Variants in FOCAD observed in about 807,000 individuals in gnomAD.
FOCAD encodes KIAA1797.
A neutral mutation model predicts 225.6 loss-of-function variants in FOCAD; 198 were observed. That is an observed-to-expected ratio of 0.88 (90% CI 0.78 to 0.99). FOCAD has a LOEUF of 0.99. Among genes scored for constraint, FOCAD ranks in the 50% least tolerant of loss-of-function variants. The probability of loss-of-function intolerance (pLI) is 0.00; values close to 1 mark genes in which losing one functional copy is unlikely to be tolerated. For synonymous variants in FOCAD, 897 were observed against 755.0 expected (o/e 1.19, Z -3.08); for missense variants, 2,713 against 2,123.6 (o/e 1.28, Z -5.46).
At chr9:20,767,202 A>G (rs1376025712) in intron 7 of FOCAD, among the ~76,000 whole-genome samples, 1 of 150,858 alleles carries the variant, frequency 6.6e-6, no homozygotes. Flanking sequence ...TATGTGCCAC[A>G]TTTTCTTAAT....
chr9:20,715,309 GT>G lies in FOCAD; in HGVS notation c.-32-9del. 2 of 1,344,558 alleles carry G rather than the reference GT, an allele frequency of 1.5e-6. No homozygotes were observed. The highest frequency in any genetic ancestry group is 2.9e-5 in the African/African-American group (2 of 67,970). The allele number at this position is 1,344,558 out of a possible 1,614,324, so 83.3% of individuals were successfully genotyped here. A position where few individuals can be genotyped will look rare whatever the true frequency, so the allele number is the denominator to read the frequency against. On this transcript the variant is annotated splice_polypyrimidine_tract_variant and intron_variant, in intron 1 of 43. Coordinates refer to ENST00000338382, the MANE Select transcript of FOCAD (RefSeq NM_001375567.1). The stretch of plus-strand genomic sequence containing the variant: ...TTGGAAGACTAACAAATATTCTTTT[GT>G]TTTGGTTACAGAAGCTGCACACATA...
At chr9:20,968,857 G>T (rs1393072481) in intron 35 of FOCAD, among the ~76,000 whole-genome samples, 1 of 152,048 alleles carries the variant, frequency 6.6e-6, no homozygotes, top group Non-Finnish European at 1.5e-5. Context: ...TAGGGATATT[G>T]ATTAGAATTA....
At chr9:20,691,083 C>T (rs987439621) in intron 1 of FOCAD, among the ~76,000 whole-genome samples, 2 of 152,084 alleles carry the variant, frequency 1.3e-5, no homozygotes, top group African/African-American at 4.8e-5. Flanking sequence ...GCTGGGATTA[C>T]CGGCATGTGC....
At chr9:20,947,717 T>TC (rs1020077165) in intron 30 of FOCAD, among the ~76,000 whole-genome samples, 3 of 152,176 alleles carry the variant, frequency 2.0e-5, no homozygotes, top group African/African-American at 7.2e-5. Context: ...CTATAGAATT[T>TC]CCCCATGTGG....
Position 20,821,079 on chromosome 9 carries a change from G to A in FOCAD, c.1793+8G>A, listed in dbSNP as rs764667780. 9 of 1,610,678 alleles carry A rather than the reference G, an allele frequency of 5.6e-6. No homozygotes were observed. The highest frequency in any genetic ancestry group is 7.6e-6 in the Non-Finnish European group (9 of 1,178,038). On this transcript the variant is annotated splice_region_variant and intron_variant, in intron 14 of 43. Coordinates refer to ENST00000338382, the MANE Select transcript of FOCAD (RefSeq NM_001375567.1). ...AGATATATGTAAGCAGAGGTATGATGTCATTAACTCTTAGGAATGTATATC... is the reference window on the plus strand; with the variant it reads ...AGATATATGTAAGCAGAGGTATGATATCATTAACTCTTAGGAATGTATATC...
intron 41 of FOCAD, 23 bp from the exon 42 acceptor site, chr9:20,990,099 AC>A: frequency 6.2e-7 from 1 of 1,612,894 alleles, no homozygotes; most frequent in Non-Finnish European, 8.5e-7. Context: ...ATATGACCTA[AC>A]GTCATTTCTA....
chr9:20,817,443 C>G (rs1161483679), intron 11 of FOCAD, among the ~76,000 whole-genome samples: 2 of 152,094 alleles, frequency 1.3e-5, no homozygotes, highest in Middle Eastern at 3.2e-3. Flanking sequence ...CTACATACAG[C>G]CTTTTGTGGC....
chr9:20,692,519 T>C (rs1823034813), intron 1 of FOCAD, among the ~76,000 whole-genome samples: 1 of 152,170 alleles, frequency 6.6e-6, no homozygotes. Context: ...CAGTTATGTA[T>C]TAGTTTGTGA....
chr9:20,882,085 C>G, intron 20 of FOCAD, 29 bp downstream of exon 20: 1 of 1,574,220 alleles, frequency 6.4e-7, no homozygotes, highest in Non-Finnish European at 8.6e-7. Flanking sequence ...ATCAAAAATA[C>G]AGGTTTTTCA....
At chr9:20,818,206 C>G (rs1823933289) in intron 11 of FOCAD, among the ~76,000 whole-genome samples, 1 of 152,018 alleles carries the variant, frequency 6.6e-6, no homozygotes, top group South Asian at 2.1e-4. Context: ...AGATCCTTTG[C>G]CTATTTTAAA....
chr9:20,796,709 G>A (rs183814584), intron 11 of FOCAD, among the ~76,000 whole-genome samples: 38 of 152,026 alleles, frequency 2.5e-4, no homozygotes, highest in Admixed American at 1.6e-3. Flanking sequence ...TAGATTCTGG[G>A]TATTAGCCCT....
At position 20,957,811 on chromosome 9, in the gene FOCAD, G is replaced by A. The variant is rs555251764; in HGVS notation, c.4132+4746G>A. Among the ~76,000 whole-genome samples, 11 of 149,216 alleles carry A rather than the reference G, an allele frequency of 7.4e-5. No homozygotes were observed. In the South Asian group the frequency reaches 1.9e-3, roughly 26 times the overall value. ...TTACAGGTATGCACCACCATACCTG[G>A]CCTTTAGTGAACATCGTTATGCATA... is the stretch of plus-strand genomic sequence containing the variant. On this transcript the variant is annotated intron_variant, in intron 35 of 43. Coordinates refer to ENST00000338382, the MANE Select transcript of FOCAD (RefSeq NM_001375567.1).
intron 20 of FOCAD, among the ~76,000 whole-genome samples, chr9:20,884,344 G>C (rs550287548): frequency 6.6e-6 from 1 of 152,180 alleles, no homozygotes; most frequent in South Asian, 2.1e-4. Context: ...GGTTGCCCAG[G>C]CTGGAGTACA....
At chr9:20,813,646 C>CT (rs1823327358) in intron 11 of FOCAD, among the ~76,000 whole-genome samples, 4 of 152,148 alleles carry the variant, frequency 2.6e-5, no homozygotes, top group African/African-American at 9.7e-5. Flanking sequence ...TTTGTGATCT[C>CT]ACACGTGGTC....
intron 28 of FOCAD, 135 bp from the exon 29 acceptor site, chr9:20,944,492 C>A: frequency 3.4e-6 from 3 of 871,700 alleles, no homozygotes; most frequent in South Asian, 1.9e-5. Context: ...ATGGGGCACA[C>A]CATCTACTAG....
intron 5 of FOCAD, among the ~76,000 whole-genome samples, chr9:20,742,408 A>G (rs1827705437): frequency 6.6e-6 from 1 of 151,720 alleles, no homozygotes; most frequent in South Asian, 2.1e-4. Context: ...TGTGGGCTCA[A>G]GATTCTTGTC....
At position 20,866,917 on chromosome 9, in the gene FOCAD, T is replaced by TTTTTTTTTAA; in HGVS notation, c.2107-12_2107-11insTTTTTTTTAA. 2 of 764,970 alleles carry TTTTTTTTTAA rather than the reference T, an allele frequency of 2.6e-6. No individual in the cohort carries two copies. Among genetic ancestry groups the TTTTTTTTTAA allele is most frequent in the Non-Finnish European group, 4.0e-6 (2 of 498,468 alleles). The allele number at this position is 764,970 out of a possible 1,614,324, so 47.4% of individuals were successfully genotyped here. A position where few individuals can be genotyped will look rare whatever the true frequency, so the allele number is the denominator to read the frequency against. ...TTTTTTTTTTTTTTTTTTTTTTTTT[T>TTTTTTTTTAA]ACCCTATCTAGGACCCAATTGTAGC... On this transcript the variant is annotated splice_polypyrimidine_tract_variant and intron_variant, in intron 17 of 43. Transcript: ENST00000338382.
chr9:20,954,476 CTT>C, intron 35 of FOCAD, among the ~76,000 whole-genome samples: 1 of 152,146 alleles, frequency 6.6e-6, no homozygotes, highest in East Asian at 1.9e-4. Flanking sequence ...AAGATAGACT[CTT>C]TTTCTTTTCT....
intron 10 of FOCAD, 86 bp from the exon 11 acceptor site, chr9:20,789,265 C>A: frequency 7.0e-7 from 1 of 1,436,600 alleles, no homozygotes; most frequent in Non-Finnish European, 9.6e-7. Context: ...TGATATCTTA[C>A]AATGAAATAT....
Sources: allele counts gnomAD v4.1 joint callset (sites outside exome capture counted in the v4.1 genomes callset), GRCh38; gene constraint gnomAD v4.1.1; transcripts MANE v1.5; gene names NCBI Gene and HGNC (gene_info 2026-07-23, HGNC 2026-07-21).